SLC9C1: variants seen among roughly 807,000 people sequenced by gnomAD.
The protein encoded by SLC9C1 is sodium/hydrogen exchanger 10.
SLC9C1 carries 97 observed loss-of-function variants against 140.9 expected under a neutral mutation model. The observed-to-expected ratio is 0.69, with a 90% CI of 0.58 to 0.82. SLC9C1 has a LOEUF of 0.82. SLC9C1 is among the 40% of genes least tolerant of loss of function. The pLI is 0.00. For missense variants in SLC9C1, 1,340 were observed against 1,389.3 expected (o/e 0.96, Z 0.56); for synonymous variants, 440 against 442.6 (o/e 0.99, Z 0.07).
chr3:112,271,685 AAGT>A (rs1279321281), intron 6 of SLC9C1, among the ~76,000 whole-genome samples: 1 of 152,142 alleles, frequency 6.6e-6, no homozygotes, highest in Non-Finnish European at 1.5e-5. Context: ...ATGAAGGAAC[AAGT>A]AGGAAGTCCC....
chr3:112,291,669 G>A (rs2080687151), intron 1 of SLC9C1, among the ~76,000 whole-genome samples: 1 of 152,150 alleles, frequency 6.6e-6, no homozygotes, highest in Non-Finnish European at 1.5e-5. Context: ...ACTGTTGGTG[G>A]GAATGTAAAT....
chr3:112,221,085 G>A (rs757462567), intron 14 of SLC9C1, 43 bp downstream of exon 14: 9 of 1,525,596 alleles, frequency 5.9e-6, no homozygotes, highest in Non-Finnish European at 7.2e-6. Context: ...TTTCCTAAAT[G>A]CTGTGGCTTA....
rs1345971486 is a variant in SLC9C1, at chr3:112,221,321, ACAAT to A, written c.1573-100_1573-97del. ...AAAAATGTGTGATAAAGAAGTAAAAACAATCAATCTAGTCTGTTTGTAAAAAGAA... is the reference window on the plus strand; with the variant it reads ...AAAAATGTGTGATAAAGAAGTAAAAACAATCTAGTCTGTTTGTAAAAAGAA... On this transcript the variant is annotated intron_variant, in intron 13 of 28. Transcript: ENST00000305815. 3.4e-5 allele frequency: 33 copies of A among 973,274 alleles called. No individual in the cohort carries two copies. The East Asian group carries it at 5.5e-4, about 16-fold the overall frequency. 60.3% of individuals were successfully genotyped at this position (973,274 alleles called of 1,614,324 possible). A position where few individuals can be genotyped will look rare whatever the true frequency, so the allele number is the denominator to read the frequency against.
At chr3:112,272,280 A>T (rs141237592) in intron 6 of SLC9C1, among the ~76,000 whole-genome samples, 352 of 152,336 alleles carry the variant, frequency 2.3e-3, no homozygotes, top group Non-Finnish European at 3.3e-3. Context: ...ACATTTTAAT[A>T]AGTAACATGT....
intron 10 of SLC9C1, among the ~76,000 whole-genome samples, chr3:112,258,352 T>G (rs530929206): frequency 6.6e-6 from 1 of 152,222 alleles, no homozygotes; most frequent in African/African-American, 2.4e-5. Flanking sequence ...AGAATATGTA[T>G]TAGTCCAGTC....
intron 23 of SLC9C1, among the ~76,000 whole-genome samples, chr3:112,173,940 A>C (rs915997692): frequency 1.3e-5 from 2 of 152,184 alleles, no homozygotes; most frequent in Admixed American, 1.3e-4. Context: ...CCTTGCCAGC[A>C]TGTGTTATTT....
chr3:112,214,599 A>G (rs752239762), intron 15 of SLC9C1, among the ~76,000 whole-genome samples: 1 of 152,242 alleles, frequency 6.6e-6, no homozygotes, highest in African/African-American at 2.4e-5. Flanking sequence ...CAAATAAACT[A>G]GAAAATCTAC....
rs1331980574 is a variant in SLC9C1, at chr3:112,150,799, TATATATATATAAATACATATAC to T, written c.3524+1036_3524+1057del. On this transcript the variant is annotated intron_variant, in intron 28 of 28. Transcript: ENST00000305815. Reference sequence around the variant, plus strand: ...ATATATATAAATACATATACATATATATATATATATAAATACATATACATATATATATATATATATATTTTTT... The same window carrying T: ...ATATATATAAATACATATACATATATATATATATATATATATATATTTTTT... Among the ~76,000 whole-genome samples, 96 of 48,184 alleles carry T rather than the reference TATATATATATAAATACATATAC, an allele frequency of 2.0e-3. 2 individuals are homozygous for T. Among genetic ancestry groups the T allele is most frequent in the African/African-American group, 4.0e-3 (48 of 11,964 alleles). The allele number at this position is 48,184 out of a possible 152,430, so 31.6% of individuals were successfully genotyped here.
chr3:112,168,839 G>A (rs201183809), intron 25 of SLC9C1, 38 bp downstream of exon 25: 1 of 1,488,422 alleles, frequency 6.7e-7, no homozygotes, highest in Admixed American at 2.2e-5. Flanking sequence ...TGGACATATG[G>A]CATATTGATC....
chr3:112,261,392 C>T (rs534166974), intron 10 of SLC9C1, among the ~76,000 whole-genome samples: 4 of 152,082 alleles, frequency 2.6e-5, no homozygotes, highest in South Asian at 2.1e-4. Context: ...ATACAATATA[C>T]GAGGCTTATT....
At chr3:112,200,648 A>G (rs1560056755) in intron 19 of SLC9C1, 63 bp downstream of exon 19, 6 of 1,470,348 alleles carry the variant, frequency 4.1e-6, no homozygotes, top group African/African-American at 1.4e-5. Context: ...TATGAAAACC[A>G]TTGCCTTTCT....
intron 13 of SLC9C1, among the ~76,000 whole-genome samples, chr3:112,229,577 G>A (rs1260333578): frequency 1.3e-5 from 2 of 151,862 alleles, no homozygotes; most frequent in Non-Finnish European, 2.9e-5. Flanking sequence ...TACAAAAAGA[G>A]ATTATCAAGC....
intron 28 of SLC9C1, among the ~76,000 whole-genome samples, chr3:112,142,510 C>A (rs1243363484): frequency 6.6e-6 from 1 of 152,104 alleles, no homozygotes; most frequent in African/African-American, 2.4e-5. Flanking sequence ...ATATAAGAAA[C>A]TGCTGACTTG....
chr3:112,263,887 T>C (rs754921034), intron 9 of SLC9C1, among the ~76,000 whole-genome samples: 1 of 151,886 alleles, frequency 6.6e-6, no homozygotes. Context: ...TTGTTTGTTA[T>C]ATAATATTGA....
chr3:112,162,193 A>T (rs1469182108), intron 26 of SLC9C1, among the ~76,000 whole-genome samples: 1 of 152,174 alleles, frequency 6.6e-6, no homozygotes, highest in Non-Finnish European at 1.5e-5. Context: ...GGTTATCTAG[A>T]TATACAATCA....
At chr3:112,227,103 T>C (rs933239809) in intron 13 of SLC9C1, among the ~76,000 whole-genome samples, 1 of 152,022 alleles carries the variant, frequency 6.6e-6, no homozygotes, top group African/African-American at 2.4e-5. Flanking sequence ...CCTGGACACA[T>C]AAACCTACTG....
intron 15 of SLC9C1, among the ~76,000 whole-genome samples, chr3:112,216,945 G>A (rs2078391567): frequency 6.6e-6 from 1 of 151,974 alleles, no homozygotes; most frequent in Non-Finnish European, 1.5e-5. Context: ...GCAAAGACTT[G>A]GAACCAACCC....
chr3:112,154,851 C>T, intron 27 of SLC9C1, 146 bp downstream of exon 27: 1 of 698,554 alleles, frequency 1.4e-6, no homozygotes, highest in Non-Finnish European at 2.4e-6. Flanking sequence ...GTACCCAGTG[C>T]TAAAATAAGT....
chr3:112,205,262 TCAAA>T (rs1313488841), intron 16 of SLC9C1, among the ~76,000 whole-genome samples: 1 of 151,730 alleles, frequency 6.6e-6, no homozygotes, highest in Non-Finnish European at 1.5e-5. Context: ...CCAATAACAG[TCAAA>T]CAGAGAGCCA....
Sources: gnomAD v4.1 joint callset for allele counts (sites outside exome capture counted in the v4.1 genomes callset) on GRCh38, gnomAD v4.1.1 for gene constraint, MANE v1.5 for transcripts, NCBI Gene and HGNC (gene_info 2026-07-23, HGNC 2026-07-21) for gene names.